The following ATG10 variants were observed in gnomAD, a reference collection of about 807,000 sequenced individuals.
The protein encoded by ATG10 is ubiquitin-like-conjugating enzyme ATG10.
In ATG10, 30 loss-of-function variants were observed where a neutral mutation model predicts 32.1. That is an observed-to-expected ratio of 0.94 (90% CI 0.70 to 1.27). ATG10 has a LOEUF of 1.27. Ranked by LOEUF, ATG10 falls within the 50% of genes most tolerant of loss-of-function variation. The pLI, the probability that ATG10 is intolerant of heterozygous loss-of-function variation, is 0.00. For synonymous variants in ATG10, 87 were observed against 91.5 expected, an observed-to-expected ratio of 0.95 and a Z score of 0.28; for missense variants, 233 against 262.3, an observed-to-expected ratio of 0.89 and a Z score of 0.77.
At position 82,227,885 on chromosome 5, in the gene ATG10, A is replaced by G. The variant is rs570737614; in HGVS notation, c.454-24677A>G. Among the ~76,000 whole-genome samples the G allele has an allele frequency of 3.3e-5, 5 of 152,326 alleles. No homozygotes were observed. In the East Asian group the frequency reaches 5.8e-4, roughly 18 times the overall value. ...GTGGGGATTAAATTGATTCATACAC[A>G]TATGAATAAAAGCATGTACTATATA... is the stretch of plus-strand genomic sequence containing the variant. On this transcript the variant is annotated intron_variant, in intron 5 of 7. Transcript: ENST00000282185.
chr5:82,094,717 C>T (rs574924749), intron 3 of ATG10, among the ~76,000 whole-genome samples: 2 of 152,160 alleles, frequency 1.3e-5, no homozygotes, highest in South Asian at 4.1e-4. Flanking sequence ...ATATTTATTA[C>T]TTAAAAATCC....
intron 4 of ATG10, among the ~76,000 whole-genome samples, chr5:82,169,235 G>A (rs1029852522): frequency 6.6e-5 from 10 of 151,554 alleles, no homozygotes; most frequent in African/African-American, 2.4e-4. Context: ...GAGCAGAAGT[G>A]AATGAGACCA....
Position 81,977,478 on chromosome 5 carries a change from C to T in ATG10, c.-13+5172C>T, listed in dbSNP as rs141859750. On this transcript the variant is annotated intron_variant, in intron 1 of 7. Transcript: ENST00000282185. The stretch of plus-strand genomic sequence containing the variant: ...CTTCTTTTTAACAATCCAATATGAT[C>T]CCATTTATTTCCAAGCAGCCCCTTG... Among the ~76,000 whole-genome samples, 5 of 152,274 alleles carry T rather than the reference C, an allele frequency of 3.3e-5. No individual in the cohort carries two copies. In the East Asian group the frequency reaches 5.8e-4, roughly 18 times the overall value.
At chr5:82,129,228 C>T (rs1766411153) in intron 3 of ATG10, among the ~76,000 whole-genome samples, 1 of 151,856 alleles carries the variant, frequency 6.6e-6, no homozygotes, top group African/African-American at 2.4e-5. Flanking sequence ...ACTGGTTATT[C>T]TAGTTAGCAA....
chr5:82,177,756 T>G (rs1413065186), intron 4 of ATG10, among the ~76,000 whole-genome samples: 1 of 152,106 alleles, frequency 6.6e-6, no homozygotes, highest in Non-Finnish European at 1.5e-5. Flanking sequence ...TGAAACAACT[T>G]AAAGAAAAAG....
intron 1 of ATG10, among the ~76,000 whole-genome samples, chr5:81,973,745 C>G (rs1409850659): frequency 6.6e-6 from 1 of 152,066 alleles, no homozygotes; most frequent in African/African-American, 2.4e-5. Context: ...AAACAGTGAC[C>G]AGAGGAAATG....
At chr5:82,055,532 AGAG>A (rs1474718722) in intron 2 of ATG10, among the ~76,000 whole-genome samples, 1 of 152,146 alleles carries the variant, frequency 6.6e-6, no homozygotes, top group Admixed American at 6.6e-5. Context: ...TGTTCCCTTA[AGAG>A]GAGGTTATGT....
chr5:82,115,678 G>A (rs1765783705), intron 3 of ATG10, among the ~76,000 whole-genome samples: 1 of 152,050 alleles, frequency 6.6e-6, no homozygotes. Context: ...CACCCCATCT[G>A]CTTCATGACC....
At chr5:82,159,004 A>G (rs1202684735) in intron 3 of ATG10, among the ~76,000 whole-genome samples, 4 of 152,228 alleles carry the variant, frequency 2.6e-5, no homozygotes, top group African/African-American at 9.6e-5. Flanking sequence ...GACAAAGTCT[A>G]ATTTATAATG....
At chr5:82,182,206 T>A (rs1744263118) in intron 5 of ATG10, among the ~76,000 whole-genome samples, 1 of 152,172 alleles carries the variant, frequency 6.6e-6, no homozygotes, top group Admixed American at 6.6e-5. Context: ...TAATTTTTTC[T>A]TAGTGGATTC....
intron 2 of ATG10, among the ~76,000 whole-genome samples, chr5:82,027,347 T>C (rs1362700781): frequency 6.6e-6 from 1 of 152,006 alleles, no homozygotes; most frequent in African/African-American, 2.4e-5. Flanking sequence ...TGTGGTAAGC[T>C]ATGATTGCGC....
rs536203876 is a variant in ATG10 at position 82,072,609 on chromosome 5, A to G, written c.216+14007A>G. Among the ~76,000 whole-genome samples the G allele has an allele frequency of 3.3e-5, 5 of 152,324 alleles. No individual in the cohort carries two copies. In the South Asian group the frequency reaches 8.3e-4, roughly 25 times the overall value. On this transcript the variant is annotated intron_variant, in intron 3 of 7. Transcript: ENST00000282185. Reference sequence around the variant, plus strand: ...CAATGGGCATTTTATGAAATAATGAAGAAAAAATTCAGAATATACATACAT... The same window carrying G: ...CAATGGGCATTTTATGAAATAATGAGGAAAAAATTCAGAATATACATACAT...
intron 5 of ATG10, among the ~76,000 whole-genome samples, chr5:82,252,253 G>A (rs1747281955): frequency 6.6e-6 from 1 of 152,114 alleles, no homozygotes; most frequent in Non-Finnish European, 1.5e-5. Flanking sequence ...ATAATGATAG[G>A]CCAAAGAGAA....
At chr5:82,130,167 C>T (rs1766462884) in intron 3 of ATG10, among the ~76,000 whole-genome samples, 1 of 152,144 alleles carries the variant, frequency 6.6e-6, no homozygotes, top group African/African-American at 2.4e-5. Flanking sequence ...CCTACTGAAG[C>T]CTCAGTAATG....
rs918379306 is a variant in ATG10 at position 82,254,255 on chromosome 5, A to T, written c.*192A>T. ...GATAGGCTGAATGTTTAGAAGAAAC[A>T]CTTCAAAGGGATACATCATGGCCAG... On this transcript the variant is annotated 3_prime_UTR_variant, in exon 8 of 8. Coordinates refer to ENST00000282185, the MANE Select transcript of ATG10 (RefSeq NM_031482.5). 1 of 152,234 alleles carries T rather than the reference A, an allele frequency of 6.6e-6. No individual in the cohort carries two copies. Among genetic ancestry groups the T allele is most frequent in the Non-Finnish European group, 1.5e-5 (1 of 68,048 alleles). The allele number at this position is 152,234 out of a possible 1,614,324, so 9.4% of individuals were successfully genotyped here.
intron 3 of ATG10, among the ~76,000 whole-genome samples, chr5:82,082,909 T>C (rs2562527): frequency 6.6e-6 from 1 of 152,208 alleles, no homozygotes; most frequent in Admixed American, 6.5e-5. Context: ...AGCAGCTCCA[T>C]TCTGCAGCTC....
chr5:81,987,487 A>G, intron 1 of ATG10, 72 bp from the exon 2 acceptor site: 3 of 1,197,862 alleles, frequency 2.5e-6, no homozygotes, highest in East Asian at 2.6e-5. Flanking sequence ...ATTGACAGAA[A>G]TAAATCAATT....
At chr5:82,137,281 GAGA>G (rs879554520) in intron 3 of ATG10, among the ~76,000 whole-genome samples, 2,662 of 152,256 alleles carry the variant, frequency 0.017, 32 homozygotes, top group Non-Finnish European at 0.026. Context: ...TCCTTGAGAG[GAGA>G]AGAGGCATTC....
intron 2 of ATG10, among the ~76,000 whole-genome samples, chr5:82,023,909 T>G (rs1346057110): frequency 6.6e-6 from 1 of 152,246 alleles, no homozygotes; most frequent in Non-Finnish European, 1.5e-5. Context: ...GGAGACATGC[T>G]TTGCACACAT....
Sources: allele counts gnomAD v4.1 joint callset (sites outside exome capture counted in the v4.1 genomes callset), GRCh38; gene constraint gnomAD v4.1.1; transcripts MANE v1.5; gene names NCBI Gene and HGNC (gene_info 2026-07-23, HGNC 2026-07-21).